FOXJ3: variants seen among roughly 807,000 people sequenced by gnomAD.
FOXJ3 encodes the protein forkhead box J3.
A neutral mutation model predicts 76.1 loss-of-function variants in FOXJ3; 22 were observed. The observed-to-expected ratio is 0.29, with a 90% CI of 0.21 to 0.41. The LOEUF is 0.41. FOXJ3 is among the 10% of genes least tolerant of loss of function. FOXJ3 has a pLI of 1.00. For missense variants in FOXJ3, 613 were observed against 762.1 expected, an observed-to-expected ratio of 0.80 and a Z score of 2.30; for synonymous variants, 269 against 261.2, an observed-to-expected ratio of 1.03 and a Z score of -0.29.
intron 11 of FOXJ3, among the ~76,000 whole-genome samples, chr1:42,185,023 G>A (rs1196312665): frequency 1.3e-5 from 2 of 152,042 alleles, no homozygotes; most frequent in African/African-American, 4.8e-5. Context: ...ATAGGCCATA[G>A]TAACAACATT....
At chr1:42,244,331 A>G (rs146298421) in intron 4 of FOXJ3, among the ~76,000 whole-genome samples, 1 of 152,292 alleles carries the variant, frequency 6.6e-6, no homozygotes, top group East Asian at 1.9e-4. Flanking sequence ...AGCCTGGGAA[A>G]TGGGCTGATC....
Position 42,278,345 on chromosome 1 carries a change from T to C in FOXJ3, c.369+3A>G. 6.3e-7 allele frequency: 1 copy of C among 1,582,216 alleles called. No individual in the cohort carries two copies. The highest frequency in any genetic ancestry group is 8.7e-7 in the Non-Finnish European group (1 of 1,155,424). On this transcript the variant is annotated splice_donor_region_variant and intron_variant, in intron 3 of 12. Transcript: ENST00000361346. ...AAAGTAATAATTTAAATAAAATCCT[T>C]ACCTTCCAACCACTGCCAGCCTCTC...
intron 1 of FOXJ3, among the ~76,000 whole-genome samples, chr1:42,334,333 C>CA (rs1656334289): frequency 6.6e-6 from 1 of 152,174 alleles, no homozygotes; most frequent in Non-Finnish European, 1.5e-5. Context: ...CTGACCCTAA[C>CA]ACCTTCCACG....
chr1:42,328,676 ATTTT>A (rs35507698), intron 1 of FOXJ3, among the ~76,000 whole-genome samples: 8 of 115,102 alleles, frequency 7.0e-5, no homozygotes, highest in South Asian at 3.0e-4. Flanking sequence ...TACTTATCCT[ATTTT>A]TTTTTTTTTT....
intron 2 of FOXJ3, among the ~76,000 whole-genome samples, chr1:42,293,913 C>A (rs1422978469): frequency 6.6e-6 from 1 of 152,174 alleles, no homozygotes; most frequent in Non-Finnish European, 1.5e-5. Flanking sequence ...GAGACCCAGC[C>A]AAACACTTAT....
chr1:42,231,152 T>TAA (rs34865801), intron 4 of FOXJ3, among the ~76,000 whole-genome samples: 205 of 145,086 alleles, frequency 1.4e-3, no homozygotes, highest in African/African-American at 4.8e-3. Context: ...CGTCTCTACT[T>TAA]AAAAAAAAAA....
chr1:42,262,989 G>A (rs914885665), intron 4 of FOXJ3, among the ~76,000 whole-genome samples: 1 of 150,904 alleles, frequency 6.6e-6, no homozygotes, highest in Admixed American at 6.6e-5. Flanking sequence ...AGAATGAGGT[G>A]TTTTAATACA....
chr1:42,241,462 T>C (rs1002043541), intron 4 of FOXJ3, among the ~76,000 whole-genome samples: 2 of 152,194 alleles, frequency 1.3e-5, no homozygotes, highest in African/African-American at 4.8e-5. Flanking sequence ...CAAGCCACTC[T>C]GGCTGGAAAC....
In FOXJ3 at chr1:42,275,366, G is replaced by A. The variant is rs183332258; in HGVS notation, c.369+2982C>T. 5.9e-3 allele frequency among the ~76,000 whole-genome samples: 897 copies of A among 152,182 alleles called. 7 individuals are homozygous for A. Among genetic ancestry groups the A allele is most frequent in the Non-Finnish European group, 7.7e-3 (525 of 67,994 alleles). On this transcript the variant is annotated intron_variant, in intron 3 of 12. Transcript: ENST00000361346. ...TATACACACACCCCACATAGCACAC[G>A]ACTTGTTAATTCCTATGTAAGAATA...
intron 2 of FOXJ3, among the ~76,000 whole-genome samples, chr1:42,286,237 C>G (rs1166868566): frequency 6.6e-6 from 1 of 152,062 alleles, no homozygotes; most frequent in African/African-American, 2.4e-5. Context: ...CAAAGGAAAA[C>G]AGCTGGTGTT....
Position 42,333,998 on chromosome 1 carries a change from G to T in FOXJ3, c.-18+1061C>A, listed in dbSNP as rs558540056. The T allele has an allele frequency of 2.2e-5, 4 of 184,684 alleles. No homozygotes were observed. In the South Asian group the frequency reaches 5.5e-4, roughly 26 times the overall value. 11.4% of individuals were successfully genotyped at this position (184,684 alleles called of 1,614,324 possible). A position where few individuals can be genotyped will look rare whatever the true frequency, so the allele number is the denominator to read the frequency against. ...GCCCACCAATCTCTAACTCCTTCAG[G>T]AATTAGAGTGAATGGCTCTAACTCA... On this transcript the variant is annotated intron_variant, in intron 1 of 12. Transcript: ENST00000361346.
At chr1:42,259,640 T>C (rs1475012013) in intron 4 of FOXJ3, among the ~76,000 whole-genome samples, 1 of 152,206 alleles carries the variant, frequency 6.6e-6, no homozygotes, top group Non-Finnish European at 1.5e-5. Flanking sequence ...TTTCTAATCT[T>C]CTGAATACCT....
intron 1 of FOXJ3, among the ~76,000 whole-genome samples, chr1:42,314,103 C>G (rs951690004): frequency 3.3e-5 from 5 of 152,112 alleles, no homozygotes; most frequent in Admixed American, 3.3e-4. Flanking sequence ...TTTGTTAGAG[C>G]AGACTAATTT....
intron 1 of FOXJ3, 108 bp downstream of exon 1, chr1:42,334,951 G>A (rs1035649248): frequency 2.6e-5 from 4 of 152,248 alleles, no homozygotes; most frequent in African/African-American, 7.2e-5. Context: ...GGCTGGAAGA[G>A]AGAGGGCGTC....
chr1:42,202,676 G>T (rs541627511), intron 6 of FOXJ3, among the ~76,000 whole-genome samples: 140 of 152,186 alleles, frequency 9.2e-4, no homozygotes, highest in Non-Finnish European at 1.5e-3. Flanking sequence ...CAGTAATAAA[G>T]TTCTTATACA....
At chr1:42,281,868 G>A (rs1401238474) in intron 2 of FOXJ3, among the ~76,000 whole-genome samples, 3 of 152,138 alleles carry the variant, frequency 2.0e-5, no homozygotes. Flanking sequence ...AGACCAGTCT[G>A]ACCAACATGG....
chr1:42,322,926 T>C (rs1655515818), intron 1 of FOXJ3, among the ~76,000 whole-genome samples: 1 of 152,166 alleles, frequency 6.6e-6, no homozygotes, highest in Non-Finnish European at 1.5e-5. Context: ...TATTGTATTC[T>C]GAGGGTTTTT....
chr1:42,324,996 C>CT (rs35963804), intron 1 of FOXJ3, among the ~76,000 whole-genome samples: 101,755 of 151,926 alleles, frequency 0.67, 34,514 homozygotes, highest in Admixed American at 0.77. Flanking sequence ...CCATTATAAC[C>CT]TTATGGGACC....
chr1:42,193,846 G>A (rs1646598551), intron 8 of FOXJ3, among the ~76,000 whole-genome samples: 3 of 152,170 alleles, frequency 2.0e-5, no homozygotes, highest in Admixed American at 2.0e-4. Flanking sequence ...ATGGTATTAA[G>A]AAGTGGGACC....
Sources: allele counts gnomAD v4.1 joint callset (sites outside exome capture counted in the v4.1 genomes callset), GRCh38; gene constraint gnomAD v4.1.1; transcripts MANE v1.5; gene names NCBI Gene and HGNC (gene_info 2026-07-23, HGNC 2026-07-21).